Variants in EDC3 observed in about 807,000 individuals in gnomAD.
EDC3 encodes the protein enhancer of mRNA decapping 3.
In EDC3, 20 loss-of-function variants were observed where a neutral mutation model predicts 41.8. The ratio of observed to expected loss-of-function variants is 0.48; its 90% CI spans 0.34 to 0.70. The LOEUF is 0.70. EDC3 is among the 30% of genes least tolerant of loss of function. EDC3 has a pLI of 0.01. For synonymous variants in EDC3, 206 were observed against 243.2 expected (o/e 0.85, Z 1.42); for missense variants, 444 against 636.8 (o/e 0.70, Z 3.26).
At chr15:74,657,164 T>C (rs1351200912) in intron 3 of EDC3, among the ~76,000 whole-genome samples, 1 of 152,248 alleles carries the variant, frequency 6.6e-6, no homozygotes, top group Admixed American at 6.5e-5. Flanking sequence ...GCAGGCCCAC[T>C]GAGCTGTTAA....
chr15:74,669,523 A>AG (rs1237722666), intron 3 of EDC3, among the ~76,000 whole-genome samples: 1 of 151,722 alleles, frequency 6.6e-6, no homozygotes, highest in Admixed American at 6.6e-5. Flanking sequence ...AAAAAAAAAA[A>AG]AAATTAGTTT....
In EDC3 at chr15:74,674,711, C is replaced by T. The variant is rs1377003705; in HGVS notation, c.164+250G>A. 6.8e-6 allele frequency: 3 copies of T among 441,810 alleles called. No individual in the cohort carries two copies. In the Admixed American group the frequency reaches 1.0e-4, roughly 15 times the overall value. The allele number at this position is 441,810 out of a possible 1,614,324, so 27.4% of individuals were successfully genotyped here. ...AGGCCAAGGAATGAATATCGGAATG[C>T]AAAGAGGAAATAAACAGTATAGGCC... On this transcript the variant is annotated intron_variant, in intron 2 of 6. Transcript: ENST00000315127.
chr15:74,658,602 T>C (rs1182749754), intron 3 of EDC3, among the ~76,000 whole-genome samples: 1 of 121,454 alleles, frequency 8.2e-6, no homozygotes, highest in African/African-American at 3.3e-5. Flanking sequence ...GTGATGGCAG[T>C]GAAGATGCAA....
At chr15:74,677,839 A>G (rs1327343687) in intron 1 of EDC3, among the ~76,000 whole-genome samples, 1 of 152,172 alleles carries the variant, frequency 6.6e-6, no homozygotes, top group Admixed American at 6.5e-5. Flanking sequence ...TTCGGAAGCA[A>G]TCAAGACATC....
intron 1 of EDC3, among the ~76,000 whole-genome samples, chr15:74,691,399 A>T (rs1252243695): frequency 2.0e-5 from 3 of 152,230 alleles, no homozygotes; most frequent in African/African-American, 7.2e-5. Flanking sequence ...TGTCTACAAC[A>T]TAAAAAATTT....
chr15:74,635,233 G>A (rs1254444705), intron 6 of EDC3, 176 bp downstream of exon 6: 5 of 714,144 alleles, frequency 7.0e-6, no homozygotes, highest in Non-Finnish European at 1.3e-5. Context: ...AGTTGGAGAG[G>A]GAGAAGCATA....
intron 1 of EDC3, among the ~76,000 whole-genome samples, chr15:74,687,883 A>G (rs912050529): frequency 3.3e-5 from 5 of 152,226 alleles, no homozygotes; most frequent in African/African-American, 1.2e-4. Context: ...CCAGAAATTA[A>G]CCAGATATGA....
At chr15:74,649,103 C>T (rs1310306053) in intron 4 of EDC3, among the ~76,000 whole-genome samples, 7 of 124,028 alleles carry the variant, frequency 5.6e-5, no homozygotes, top group African/African-American at 9.7e-5. Context: ...CTCACTCTGT[C>T]GCCCAGGCTG....
At chr15:74,675,389 ATATT>A (rs957105093) in intron 1 of EDC3, among the ~76,000 whole-genome samples, 1 of 151,944 alleles carries the variant, frequency 6.6e-6, no homozygotes, top group Non-Finnish European at 1.5e-5. Context: ...TTGGATAAAG[ATATT>A]TATTACACAT....
chr15:74,680,260 CAAAAAAAAA>C (rs34873831), intron 1 of EDC3, among the ~76,000 whole-genome samples: 1 of 64,284 alleles, frequency 1.6e-5, no homozygotes, highest in Non-Finnish European at 2.8e-5. Flanking sequence ...GACTCCATCT[CAAAAAAAAA>C]AAAAAAAAAA....
chr15:74,632,692 G>C lies in EDC3; in HGVS notation c.1447C>G (p.Gln483Glu), dbSNP rs2062225833. 6.2e-7 allele frequency: 1 copy of C among 1,614,172 alleles called. No individual in the cohort carries two copies. The highest frequency in any genetic ancestry group is 8.5e-7 in the Non-Finnish European group (1 of 1,180,034). Reference protein sequence around the residue: ...RIYLCDIGIPQQVFQEVGINY... With the variant: ...RIYLCDIGIPEQVFQEVGINY... ...ATGCCCACCTCCTGGAAGACCTGCT[G>C]GGGAATGCCAATGTCGCACAAATAG... Residue 483 changes from glutamine (Q) to glutamate (E), a missense_variant, in exon 7 of 7, where the codon CAG (glutamine) becomes GAG (glutamate). Transcript: ENST00000315127. The surrounding 1 kb of genome is among the most constrained non-coding windows in gnomAD (Gnocchi z 4.0).
At chr15:74,670,620 AG>A (rs2062728456) in intron 3 of EDC3, among the ~76,000 whole-genome samples, 1 of 151,960 alleles carries the variant, frequency 6.6e-6, no homozygotes, top group South Asian at 2.1e-4. Flanking sequence ...AGCAGAGACG[AG>A]GTTTCAACAT....
In EDC3 at chr15:74,671,422, A is replaced by T. The variant is rs2062735957; in HGVS notation, c.484+33T>A. On this transcript the variant is annotated intron_variant, in intron 3 of 6. Coordinates refer to ENST00000315127, the MANE Select transcript of EDC3 (RefSeq NM_025083.5). This position sits in a 1 kb window ranked among gnomAD's most constrained non-coding sequence, Gnocchi z 4.6. ...ATGGCTTATAGCCCTGAAACACCAG[A>T]TTGAGAAGAAATATCAACTTGACCC... 6.3e-7 allele frequency: 1 copy of T among 1,589,098 alleles called. No individual in the cohort carries two copies. Among genetic ancestry groups the T allele is most frequent in the East Asian group, 2.2e-5 (1 of 44,490 alleles).
chr15:74,663,444 C>T (rs1273436603), intron 3 of EDC3, among the ~76,000 whole-genome samples: 1 of 152,170 alleles, frequency 6.6e-6, no homozygotes, highest in Non-Finnish European at 1.5e-5. Context: ...AGCTGAGCAT[C>T]CCTAATCCAA....
At chr15:74,666,141 T>C (rs538702609) in intron 3 of EDC3, among the ~76,000 whole-genome samples, 5 of 152,158 alleles carry the variant, frequency 3.3e-5, no homozygotes, top group Non-Finnish European at 7.3e-5. Flanking sequence ...CTAGTCTCAA[T>C]ATCAATGTAC....
chr15:74,649,181 C>T (rs2062451825), intron 4 of EDC3, among the ~76,000 whole-genome samples: 1 of 151,574 alleles, frequency 6.6e-6, no homozygotes, highest in Non-Finnish European at 1.5e-5. Flanking sequence ...TCTCCTGCCT[C>T]AGCCTCCCAA....
chr15:74,638,567 C>G (rs943259803), intron 5 of EDC3: 4 of 152,040 alleles, frequency 2.6e-5, no homozygotes, highest in African/African-American at 9.7e-5. Context: ...CTCCTGACCT[C>G]AAGTGATCTG....
At chr15:74,673,399 G>A (rs1221116519) in intron 2 of EDC3, among the ~76,000 whole-genome samples, 1 of 152,266 alleles carries the variant, frequency 6.6e-6, no homozygotes, top group African/African-American at 2.4e-5. Flanking sequence ...CATAAATAAT[G>A]GGTATGCCCT....
intron 1 of EDC3, among the ~76,000 whole-genome samples, chr15:74,681,303 C>T (rs562087139): frequency 6.6e-6 from 1 of 152,106 alleles, no homozygotes. Context: ...CAGGTGCCCA[C>T]CACCACGCCT....
Sources: allele counts gnomAD v4.1 joint callset (sites outside exome capture counted in the v4.1 genomes callset), GRCh38; gene constraint gnomAD v4.1.1; non-coding constraint Gnocchi (gnomAD v3.1); transcripts MANE v1.5; gene names NCBI Gene and HGNC (gene_info 2026-07-23, HGNC 2026-07-21).